The following ZNF2 variants were observed in gnomAD, a reference collection of about 807,000 sequenced individuals.
The protein encoded by ZNF2 is zinc finger protein 2.
A neutral mutation model predicts 21.9 loss-of-function variants in ZNF2; 12 were observed. The ratio of observed to expected loss-of-function variants is 0.55; its 90% CI spans 0.35 to 0.89. The LOEUF is 0.89. ZNF2 is among the 40% of genes least tolerant of loss of function. ZNF2 has a pLI of 0.01. For synonymous variants in ZNF2, 186 were observed against 196.3 expected (o/e 0.95, Z 0.44); for missense variants, 462 against 544.2 (o/e 0.85, Z 1.50).
chr2:95,182,287 C>T lies in ZNF2; in HGVS notation c.*181C>T. 1.4e-6 allele frequency: 1 copy of T among 736,142 alleles called. No homozygotes were observed. Among genetic ancestry groups the T allele is most frequent in the Non-Finnish European group, 2.1e-6 (1 of 477,764 alleles). 45.6% of individuals were successfully genotyped at this position (736,142 alleles called of 1,614,324 possible). A position where few individuals can be genotyped will look rare whatever the true frequency, so the allele number is the denominator to read the frequency against. On this transcript the variant is annotated 3_prime_UTR_variant, in exon 5 of 5. Transcript: ENST00000614034. Reference sequence around the variant, plus strand: ...CTGTGTTATAGAACTGTAGGGGAGGCCATGGAAATGACTCTAAAGATACAA... The same window carrying T: ...CTGTGTTATAGAACTGTAGGGGAGGTCATGGAAATGACTCTAAAGATACAA...
chr2:95,181,208 T>C lies in ZNF2; in HGVS notation c.380T>C (p.Val127Ala), dbSNP rs749233672. The C allele has an allele frequency of 1.2e-6, 2 of 1,614,164 alleles. No individual in the cohort carries two copies. Among genetic ancestry groups the C allele is most frequent in the Non-Finnish European group, 1.7e-6 (2 of 1,180,032 alleles). Reference protein sequence around the residue: ...RQSPLCPKFEVHTPNGRMGTE... With the variant: ...RQSPLCPKFEAHTPNGRMGTE... ...AGTCCTCTGTGTCCTAAATTTGAAG[T>C]TCATACACCCAATGGCAGGATGGGA... is the stretch of plus-strand genomic sequence containing the variant. Residue 127 changes from valine (V) to alanine (A), a missense_variant, in exon 5 of 5, where the codon GTT becomes GCT. Transcript: ENST00000614034.
At chr2:95,178,606 C>T (rs1371767006) in intron 3 of ZNF2, among the ~76,000 whole-genome samples, 2 of 152,168 alleles carry the variant, frequency 1.3e-5, no homozygotes, top group Non-Finnish European at 2.9e-5. Flanking sequence ...GAAAGTGCCT[C>T]TTTCCCAAGT....
At chr2:95,167,378 C>T (rs1251598251) in intron 1 of ZNF2, among the ~76,000 whole-genome samples, 2 of 151,334 alleles carry the variant, frequency 1.3e-5, no homozygotes, top group African/African-American at 4.9e-5. Flanking sequence ...TGGTGGCGGG[C>T]GCCTGTAGTC....
Position 95,181,455 on chromosome 2 carries a change from C to G in ZNF2, c.627C>G (p.Ala209=), listed in dbSNP as rs376840013. ...ACGACTGCCGCGAGTGTGGGAAAGC[C>G]TTCAGCCACAGGAGCAGCCTCAGCA... ...KPYDCRECGK[A]FSHRSSLSRH... is the part of the protein sequence containing the mutation. The change falls in exon 5 of 5, where the codon GCC becomes GCG. Residue 209 remains alanine, a synonymous_variant. Transcript: ENST00000614034. The G allele has an allele frequency of 6.2e-7, 1 of 1,614,136 alleles. No homozygotes were observed. Among genetic ancestry groups the G allele is most frequent in the African/African-American group, 1.3e-5 (1 of 75,038 alleles).
intron 3 of ZNF2, among the ~76,000 whole-genome samples, chr2:95,179,739 C>T (rs1674572472): frequency 6.6e-6 from 1 of 152,168 alleles, no homozygotes; most frequent in Admixed American, 6.5e-5. Context: ...TGCGTTCTGC[C>T]TTTTGCATTT....
chr2:95,168,256 C>G (rs1200449279), intron 1 of ZNF2, among the ~76,000 whole-genome samples: 1 of 152,082 alleles, frequency 6.6e-6, no homozygotes, highest in Non-Finnish European at 1.5e-5. Context: ...GAAACTCTGT[C>G]TCTACTAAAA....
chr2:95,168,218 A>G (rs894178083), intron 1 of ZNF2, among the ~76,000 whole-genome samples: 2 of 152,060 alleles, frequency 1.3e-5, no homozygotes, highest in Admixed American at 6.6e-5. Flanking sequence ...TGAGGTCAAG[A>G]GATTGAAACC....
intron 1 of ZNF2, among the ~76,000 whole-genome samples, chr2:95,171,438 A>C (rs1674265189): frequency 6.7e-6 from 1 of 149,540 alleles, no homozygotes; most frequent in South Asian, 2.1e-4. Flanking sequence ...GCTAGAGTGC[A>C]GTGGTGTGAT....
In ZNF2 at chr2:95,181,521, C is replaced by G; in HGVS notation, c.693C>G (p.Cys231Trp). The change falls in exon 5 of 5, where the codon TGC becomes TGG. Residue 231 changes from cysteine (C) to tryptophan (W), a missense_variant. Coordinates refer to ENST00000614034, the MANE Select transcript of ZNF2 (RefSeq NM_021088.4). ...ACACTGGGGAGAGCCCCTACGAGTG[C>G]AGTGTGTGCTCAAAAGCCTTCTTTG... is the stretch of plus-strand genomic sequence containing the variant. ...MSHTGESPYE[C>W]SVCSKAFFDR... is the part of the protein sequence containing the mutation. The G allele has an allele frequency of 6.2e-7, 1 of 1,614,162 alleles. No individual in the cohort carries two copies. Among genetic ancestry groups the G allele is most frequent in the Non-Finnish European group, 8.5e-7 (1 of 1,180,030 alleles).
At chr2:95,168,832 C>T (rs948504384) in intron 1 of ZNF2, among the ~76,000 whole-genome samples, 6 of 152,176 alleles carry the variant, frequency 3.9e-5, no homozygotes, top group Non-Finnish European at 7.3e-5. Context: ...CCCTGCTTCC[C>T]TTGAAACTCA....
At chr2:95,170,198 T>TA (rs2104495535) in intron 1 of ZNF2, among the ~76,000 whole-genome samples, 2 of 152,358 alleles carry the variant, frequency 1.3e-5, no homozygotes, top group Admixed American at 1.3e-4. Flanking sequence ...TTTTAGACAA[T>TA]ACACGTTGCA....
At chr2:95,167,877 C>G (rs1674136668) in intron 1 of ZNF2, among the ~76,000 whole-genome samples, 1 of 150,766 alleles carries the variant, frequency 6.6e-6, no homozygotes, top group African/African-American at 2.4e-5. Flanking sequence ...AGTTTTCAAG[C>G]ATGCCATTTC....
chr2:95,168,513 A>C (rs1270732124), intron 1 of ZNF2, among the ~76,000 whole-genome samples: 3 of 152,128 alleles, frequency 2.0e-5, no homozygotes, highest in Non-Finnish European at 4.4e-5. Context: ...GGTATAGGAC[A>C]CAAAGGTAAA....
intron 1 of ZNF2, among the ~76,000 whole-genome samples, chr2:95,169,780 C>G (rs1484042024): frequency 6.6e-6 from 1 of 152,076 alleles, no homozygotes; most frequent in Non-Finnish European, 1.5e-5. Flanking sequence ...TGCAACAACT[C>G]AGTGTAATTA....
At chr2:95,169,388 G>C (rs1674195832) in intron 1 of ZNF2, among the ~76,000 whole-genome samples, 1 of 152,220 alleles carries the variant, frequency 6.6e-6, no homozygotes, top group African/African-American at 2.4e-5. Context: ...AAGCTCCAGT[G>C]CTTTAGACAA....
At chr2:95,176,090 C>T (rs576584185) in intron 1 of ZNF2, 98 bp from the exon 2 acceptor site, 101 of 1,059,506 alleles carry the variant, frequency 9.5e-5, no homozygotes, top group Non-Finnish European at 1.4e-4. Flanking sequence ...TTGAGGATGA[C>T]ATATCCCCCT....
rs1168392110 is a variant in ZNF2, at chr2:95,182,442, A to C, written c.*336A>C. The C allele has an allele frequency of 5.7e-5, 13 of 228,012 alleles. No individual in the cohort carries two copies. Among genetic ancestry groups the C allele is most frequent in the Admixed American group, 1.5e-4 (3 of 19,880 alleles). 14.1% of individuals were successfully genotyped at this position (228,012 alleles called of 1,614,324 possible). A position where few individuals can be genotyped will look rare whatever the true frequency, so the allele number is the denominator to read the frequency against. ...GGCTGCAACAGGAGGGAAAGGCAGAATGATATCACAGCAGTACTATTTTTT... is the reference window on the plus strand; with the variant it reads ...GGCTGCAACAGGAGGGAAAGGCAGACTGATATCACAGCAGTACTATTTTTT... On this transcript the variant is annotated 3_prime_UTR_variant, in exon 5 of 5. Coordinates refer to ENST00000614034, the MANE Select transcript of ZNF2 (RefSeq NM_021088.4).
rs1674440327 is a variant in ZNF2 at position 95,176,248 on chromosome 2, A to G, written c.22A>G (p.Thr8Ala). The G allele has an allele frequency of 6.2e-7, 1 of 1,613,976 alleles. No individual in the cohort carries two copies. Among genetic ancestry groups the G allele is most frequent in the South Asian group, 1.1e-5 (1 of 91,080 alleles). The stretch of plus-strand genomic sequence containing the variant: ...GAGAATGGCTGCTGTGTCTCCGACC[A>G]CCAGATGCCAGGTGAGGTGGACTTT... MAAVSPT[T>A]RCQESVTFED... Residue 8 changes from threonine to alanine, a missense_variant, in exon 2 of 5, where the codon ACC becomes GCC. Transcript: ENST00000614034.
At chr2:95,179,992 G>A (rs1205622181) in intron 3 of ZNF2, among the ~76,000 whole-genome samples, 167 bp from the exon 4 acceptor site, 4 of 152,232 alleles carry the variant, frequency 2.6e-5, no homozygotes, top group African/African-American at 9.6e-5. Context: ...GGGAGATGGA[G>A]GTTGCAGTGA....
Sources: gnomAD v4.1 joint callset for allele counts (sites outside exome capture counted in the v4.1 genomes callset) on GRCh38, gnomAD v4.1.1 for gene constraint, MANE v1.5 for transcripts, NCBI Gene and HGNC (gene_info 2026-07-23, HGNC 2026-07-21) for gene names.